TBL1XR1: variants seen among roughly 807,000 people sequenced by gnomAD.
TBL1XR1 encodes TBL1X/Y related 1.
TBL1XR1 carries 5 observed loss-of-function variants against 66.9 expected under a neutral mutation model. That is an observed-to-expected ratio of 0.07 (90% CI 0.04 to 0.16). The LOEUF is 0.16. Ranked by LOEUF, TBL1XR1 falls within the 10% of genes least tolerant of loss-of-function variation. The pLI is 1.00. For missense variants in TBL1XR1, 238 were observed against 623.2 expected, an observed-to-expected ratio of 0.38 and a Z score of 6.58; for synonymous variants, 210 against 206.0, an observed-to-expected ratio of 1.02 and a Z score of -0.17.
intron 3 of TBL1XR1, among the ~76,000 whole-genome samples, chr3:177,056,094 C>T (rs1717768619): frequency 6.6e-6 from 1 of 152,134 alleles, no homozygotes; most frequent in Non-Finnish European, 1.5e-5. Context: ...TTGTTTTCAT[C>T]TCAGGGTCCT....
intron 10 of TBL1XR1, among the ~76,000 whole-genome samples, chr3:177,043,325 A>G (rs991102600): frequency 6.6e-6 from 1 of 152,102 alleles, no homozygotes; most frequent in Admixed American, 6.6e-5. Flanking sequence ...TTTTTGCTTC[A>G]TATGTTTTGA....
intron 2 of TBL1XR1, among the ~76,000 whole-genome samples, chr3:177,096,975 G>A (rs1338267214): frequency 1.3e-5 from 2 of 152,228 alleles, no homozygotes; most frequent in Non-Finnish European, 2.9e-5. Flanking sequence ...GGATGCAGAG[G>A]AGGAGAACAG....
chr3:177,038,757 G>GAT (rs1715161761), intron 10 of TBL1XR1, among the ~76,000 whole-genome samples: 2 of 152,286 alleles, frequency 1.3e-5, no homozygotes, highest in African/African-American at 4.8e-5. Flanking sequence ...TAAATGTGAT[G>GAT]ATATCATGCT....
intron 12 of TBL1XR1, 97 bp downstream of exon 12, chr3:177,038,001 C>CTGGGAAT (rs1465268973): frequency 4.0e-5 from 41 of 1,033,714 alleles, no homozygotes; most frequent in Non-Finnish European, 5.4e-5. Flanking sequence ...GGTACAAACA[C>CTGGGAAT]TCCATGTAAG....
chr3:177,172,407 C>A (rs889183375), intron 1 of TBL1XR1, among the ~76,000 whole-genome samples: 27 of 151,374 alleles, frequency 1.8e-4, no homozygotes, highest in African/African-American at 5.6e-4. Context: ...AGAAAAAAAA[C>A]CCAATTAATG....
chr3:177,187,390 CA>C (rs57592940), intron 1 of TBL1XR1, among the ~76,000 whole-genome samples: 4,659 of 68,636 alleles, frequency 0.068, 142 homozygotes, highest in African/African-American at 0.16. Context: ...GACTCTATCT[CA>C]AAAAAAAAAA....
intron 2 of TBL1XR1, among the ~76,000 whole-genome samples, chr3:177,070,983 AAACT>A (rs1302629196): frequency 1.5e-4 from 22 of 151,378 alleles, no homozygotes; most frequent in Middle Eastern, 7.0e-3. Context: ...TTATCAACTA[AAACT>A]AACTACTTAT....
At chr3:177,136,548 G>A (rs745657405) in intron 1 of TBL1XR1, among the ~76,000 whole-genome samples, 1 of 152,184 alleles carries the variant, frequency 6.6e-6, no homozygotes, top group Non-Finnish European at 1.5e-5. Context: ...CCAAAGTGCT[G>A]GGATCGTGGG....
intron 1 of TBL1XR1, among the ~76,000 whole-genome samples, chr3:177,127,612 T>G (rs1231892447): frequency 6.6e-6 from 1 of 152,188 alleles, no homozygotes; most frequent in Non-Finnish European, 1.5e-5. Flanking sequence ...CAGCTGCAGA[T>G]CAAGTCCTAA....
At chr3:177,054,283 A>T (rs904361321) in intron 3 of TBL1XR1, among the ~76,000 whole-genome samples, 1 of 141,908 alleles carries the variant, frequency 7.0e-6, no homozygotes. Flanking sequence ...GCTTCATTTA[A>T]ATCAGGCCAA....
intron 2 of TBL1XR1, among the ~76,000 whole-genome samples, chr3:177,092,849 A>T (rs1723006275): frequency 6.6e-6 from 1 of 152,178 alleles, no homozygotes; most frequent in African/African-American, 2.4e-5. Context: ...TCAAAGCAGG[A>T]CTATTCATAA....
In TBL1XR1 at chr3:177,062,050, C is replaced by G. The variant is rs140783814; in HGVS notation, c.58+2870G>C. On this transcript the variant is annotated intron_variant, in intron 3 of 15. Coordinates refer to ENST00000457928, the MANE Select transcript of TBL1XR1 (RefSeq NM_024665.7). ...AACATTCTCAAACTCTCTTCCATATCCTATTTCTGGATGCAATTTCAAATA... is the reference window on the plus strand; with the variant it reads ...AACATTCTCAAACTCTCTTCCATATGCTATTTCTGGATGCAATTTCAAATA... Among the ~76,000 whole-genome samples the G allele has an allele frequency of 4.9e-4, 74 of 152,300 alleles. No homozygotes were observed. The East Asian group carries it at 0.013, about 26-fold the overall frequency.
At position 177,032,942 on chromosome 3, in the gene TBL1XR1, AC is replaced by A. The variant is rs1473938266; in HGVS notation, c.1416+28del. 4.7e-6 allele frequency: 7 copies of A among 1,500,882 alleles called. No homozygotes were observed. The African/African-American group carries it at 9.7e-5, about 21-fold the overall frequency. The allele number at this position is 1,500,882 out of a possible 1,614,324, so 93.0% of individuals were successfully genotyped here. ...AATGCTTCTACCTAAATTTAAGAGC[AC>A]TTGACCATTTAAATAATGAAGACAT... On this transcript the variant is annotated intron_variant, in intron 14 of 15. Transcript: ENST00000457928.
At chr3:177,069,651 A>G (rs933569364) in intron 2 of TBL1XR1, among the ~76,000 whole-genome samples, 3 of 152,044 alleles carry the variant, frequency 2.0e-5, no homozygotes, top group African/African-American at 7.2e-5. Flanking sequence ...AAGAATGAGA[A>G]TTGCTTGAAC....
intron 1 of TBL1XR1, among the ~76,000 whole-genome samples, chr3:177,129,986 A>G (rs1728088022): frequency 1.3e-5 from 2 of 152,054 alleles, no homozygotes; most frequent in African/African-American, 4.8e-5. Flanking sequence ...CTGTACTAAA[A>G]ATACAACAAT....
At chr3:177,134,645 G>GT (rs1420634428) in intron 1 of TBL1XR1, among the ~76,000 whole-genome samples, 8 of 152,076 alleles carry the variant, frequency 5.3e-5, no homozygotes, top group Non-Finnish European at 7.4e-5. Flanking sequence ...TTAGCTGGTG[G>GT]TAATTTAAGA....
chr3:177,178,214 G>A (rs900782417), intron 1 of TBL1XR1, among the ~76,000 whole-genome samples: 2 of 152,164 alleles, frequency 1.3e-5, no homozygotes, highest in Non-Finnish European at 2.9e-5. Context: ...AGAGTTTGGG[G>A]AGGAGGGACC....
At chr3:177,030,339 G>C (rs973064616) in intron 14 of TBL1XR1, among the ~76,000 whole-genome samples, 1 of 151,682 alleles carries the variant, frequency 6.6e-6, no homozygotes, top group Non-Finnish European at 1.5e-5. Flanking sequence ...CTCTGGAATA[G>C]TCTAAATAAA....
At chr3:177,163,275 G>A (rs1237197890) in intron 1 of TBL1XR1, among the ~76,000 whole-genome samples, 1 of 152,184 alleles carries the variant, frequency 6.6e-6, no homozygotes, top group Non-Finnish European at 1.5e-5. Flanking sequence ...GGGAGGCCAA[G>A]GCGGGCAGAT....
Sources: gnomAD v4.1 joint callset for allele counts (sites outside exome capture counted in the v4.1 genomes callset) on GRCh38, gnomAD v4.1.1 for gene constraint, MANE v1.5 for transcripts, NCBI Gene and HGNC (gene_info 2026-07-23, HGNC 2026-07-21) for gene names.